Variants in RAPGEF4 observed in about 807,000 individuals in gnomAD.
RAPGEF4 encodes RAP guanine-nucleotide-exchange factor (GEF) 4.
Under a neutral mutation model 147.9 loss-of-function variants are expected in RAPGEF4, and 66 were observed. The observed-to-expected ratio is 0.45, with a 90% CI of 0.37 to 0.55. The LOEUF (loss-of-function observed/expected upper bound fraction) is 0.55. RAPGEF4 is among the 20% of genes least tolerant of loss of function. The pLI, the probability that RAPGEF4 is intolerant of heterozygous loss-of-function variation, is 0.00. For synonymous variants in RAPGEF4, 419 were observed against 442.7 expected (o/e 0.95, Z 0.67); for missense variants, 1,071 against 1,257.3 (o/e 0.85, Z 2.24).
intron 4 of RAPGEF4, among the ~76,000 whole-genome samples, chr2:172,892,667 C>T (rs1698060526): frequency 6.6e-6 from 1 of 152,186 alleles, no homozygotes; most frequent in African/African-American, 2.4e-5. Flanking sequence ...AACAAGGGTC[C>T]CCAGTGGGAT....
intron 4 of RAPGEF4, among the ~76,000 whole-genome samples, chr2:172,876,945 G>A (rs571753756): frequency 1.3e-5 from 2 of 152,146 alleles, no homozygotes; most frequent in Admixed American, 6.5e-5. Context: ...TCTATTCAGG[G>A]ATTCAACTTC....
At chr2:172,980,788 T>C (rs920313867) in intron 10 of RAPGEF4, among the ~76,000 whole-genome samples, 1 of 152,156 alleles carries the variant, frequency 6.6e-6, no homozygotes, top group Non-Finnish European at 1.5e-5. Flanking sequence ...ATTATTAATA[T>C]GTTGAGATTT....
chr2:172,918,458 T>TAGTC (rs1684348103), intron 5 of RAPGEF4, among the ~76,000 whole-genome samples: 1 of 149,712 alleles, frequency 6.7e-6, no homozygotes, highest in Non-Finnish European at 1.5e-5. Context: ...TTAACTGGAG[T>TAGTC]AGTCATTTCA....
chr2:172,776,250 G>A (rs1684148393), intron 1 of RAPGEF4, among the ~76,000 whole-genome samples: 1 of 152,138 alleles, frequency 6.6e-6, no homozygotes, highest in Non-Finnish European at 1.5e-5. Context: ...GTTCAGGGTG[G>A]TAGGCTTGAT....
At chr2:173,024,237 A>C (rs1283272531) in intron 23 of RAPGEF4, among the ~76,000 whole-genome samples, 1 of 105,268 alleles carries the variant, frequency 9.5e-6, no homozygotes, top group African/African-American at 3.7e-5. Context: ...TTTTTTTTTG[A>C]GACGGAGTCT....
intron 4 of RAPGEF4, among the ~76,000 whole-genome samples, chr2:172,840,933 G>A (rs1691517693): frequency 2.0e-5 from 3 of 152,216 alleles, no homozygotes; most frequent in Admixed American, 1.3e-4. Context: ...TCCTCTTACT[G>A]GCCCAGGGCT....
At chr2:172,822,315 T>C (rs1019751696) in intron 4 of RAPGEF4, among the ~76,000 whole-genome samples, 2 of 152,216 alleles carry the variant, frequency 1.3e-5, no homozygotes, top group East Asian at 3.8e-4. Context: ...TACATGTATT[T>C]TTCTAGTGAC....
chr2:172,777,588 C>A (rs374435716), intron 1 of RAPGEF4, among the ~76,000 whole-genome samples: 1 of 152,158 alleles, frequency 6.6e-6, no homozygotes, highest in African/African-American at 2.4e-5. Context: ...AGACCCCCCC[C>A]ATGCTAAACT....
At chr2:173,046,024 A>C (rs1304926920) in intron 29 of RAPGEF4, among the ~76,000 whole-genome samples, 1 of 152,238 alleles carries the variant, frequency 6.6e-6, no homozygotes, top group Non-Finnish European at 1.5e-5. Flanking sequence ...GTAACTATGC[A>C]TTGACCGGGA....
At chr2:172,963,748 C>T (rs1689536358) in intron 8 of RAPGEF4, among the ~76,000 whole-genome samples, 1 of 152,170 alleles carries the variant, frequency 6.6e-6, no homozygotes, top group African/African-American at 2.4e-5. Flanking sequence ...TTTCCAGTTC[C>T]ATCCTCTCTC....
At position 173,026,673 on chromosome 2, in the gene RAPGEF4, G is replaced by C. The variant is rs1335988431; in HGVS notation, c.2355G>C (p.Trp785Cys). The C allele has an allele frequency of 6.2e-7, 1 of 1,614,012 alleles. No homozygotes were observed. Among genetic ancestry groups the C allele is most frequent in the South Asian group, 1.1e-5 (1 of 91,036 alleles). The change falls in exon 24 of 31, where the codon TGG (tryptophan) becomes TGC (cysteine). Residue 785 changes from tryptophan (W) to cysteine (C), a missense_variant. Trp to Cys is a radical substitution (Grantham distance 215). Transcript: ENST00000397081. ...DLAYQMTIYDWELFNCVHELE... is the reference protein window; with the variant it reads ...DLAYQMTIYDCELFNCVHELE... ...CATACCAGATGACAATTTATGATTGGGAACTCTTCAACTGCGTGCATGAGG... is the reference window on the plus strand; with the variant it reads ...CATACCAGATGACAATTTATGATTGCGAACTCTTCAACTGCGTGCATGAGG...
chr2:172,917,747 G>C, intron 4 of RAPGEF4, 55 bp from the exon 5 acceptor site: 1 of 1,457,318 alleles, frequency 6.9e-7, no homozygotes, highest in South Asian at 1.2e-5. Flanking sequence ...GTAAATAAAT[G>C]AATGCTCAAA....
chr2:173,040,662 A>T (rs1684650474), intron 29 of RAPGEF4, among the ~76,000 whole-genome samples: 1 of 152,236 alleles, frequency 6.6e-6, no homozygotes, highest in South Asian at 2.1e-4. Context: ...TTTCTCTGAA[A>T]TAGAACCAAT....
At chr2:172,929,130 G>A (rs1685665866) in intron 6 of RAPGEF4, among the ~76,000 whole-genome samples, 1 of 152,192 alleles carries the variant, frequency 6.6e-6, no homozygotes, top group Non-Finnish European at 1.5e-5. Context: ...TATGTTTGAT[G>A]TGTTTGAATT....
chr2:173,022,645 A>G (rs1696221624), intron 23 of RAPGEF4, among the ~76,000 whole-genome samples: 1 of 152,142 alleles, frequency 6.6e-6, no homozygotes, highest in African/African-American at 2.4e-5. Context: ...TGAGACACTA[A>G]ACCAAGTGCC....
At chr2:172,894,509 C>T (rs1575159334) in intron 4 of RAPGEF4, 2 of 152,010 alleles carry the variant, frequency 1.3e-5, no homozygotes, top group African/African-American at 4.8e-5. Context: ...TCTTTTTATT[C>T]TTAGGAAAAG....
chr2:172,970,511 T>C (rs1690357902), intron 10 of RAPGEF4, among the ~76,000 whole-genome samples: 1 of 152,198 alleles, frequency 6.6e-6, no homozygotes, highest in African/African-American at 2.4e-5. Context: ...AGAACTCTGA[T>C]AATTACTGGG....
chr2:172,883,454 T>C (rs540803385), intron 4 of RAPGEF4, among the ~76,000 whole-genome samples: 1 of 152,120 alleles, frequency 6.6e-6, no homozygotes, highest in Non-Finnish European at 1.5e-5. Flanking sequence ...CACTGTTGCA[T>C]TGGGGATTAA....
chr2:172,942,553 G>A (rs1687267938), intron 6 of RAPGEF4, among the ~76,000 whole-genome samples: 1 of 130,882 alleles, frequency 7.6e-6, no homozygotes. Context: ...CTCCTGCTTA[G>A]ATCTTAGAGT....
Sources: allele counts gnomAD v4.1 joint callset (sites outside exome capture counted in the v4.1 genomes callset), GRCh38; gene constraint gnomAD v4.1.1; transcripts MANE v1.5; gene names NCBI Gene and HGNC (gene_info 2026-07-23, HGNC 2026-07-21).